The following SCGB2A1 variants were observed in gnomAD, a reference collection of about 807,000 sequenced individuals.
The protein encoded by SCGB2A1 is mammaglobin-B.
In SCGB2A1, 6 loss-of-function variants were observed where a neutral mutation model predicts 9.2. The ratio of observed to expected loss-of-function variants is 0.66; its 90% CI spans 0.36 to 1.29. SCGB2A1 has a LOEUF of 1.29. Among genes scored for constraint, SCGB2A1 ranks in the 50% most tolerant of loss-of-function variants. The pLI is 0.03. For missense variants in SCGB2A1, 138 were observed against 116.9 expected (o/e 1.18, Z -0.83); for synonymous variants, 37 against 41.0 (o/e 0.90, Z 0.37).
intron 1 of SCGB2A1, among the ~76,000 whole-genome samples, chr11:62,209,734 GCA>G (rs1403309861): frequency 2.0e-5 from 3 of 151,454 alleles, no homozygotes; most frequent in Admixed American, 6.6e-5. Context: ...GTGTGCAATG[GCA>G]CAGTCTCAGC....
At chr11:62,213,025 T>TGTGTGCAC (rs1944847140) in intron 2 of SCGB2A1, among the ~76,000 whole-genome samples, 1 of 36,950 alleles carries the variant, frequency 2.7e-5, no homozygotes, top group African/African-American at 6.9e-5. Context: ...CATATATACA[T>TGTGTGCAC]ATATACACAC....
At chr11:62,212,728 GT>G (rs895134944) in intron 2 of SCGB2A1, among the ~76,000 whole-genome samples, 1 of 151,644 alleles carries the variant, frequency 6.6e-6, no homozygotes, top group Non-Finnish European at 1.5e-5. Flanking sequence ...TCTTGTTTCC[GT>G]TTTTTTGTCT....
chr11:62,210,672 C>A, intron 2 of SCGB2A1, 72 bp downstream of exon 2: 3 of 1,151,860 alleles, frequency 2.6e-6, no homozygotes, highest in Non-Finnish European at 3.5e-6. Context: ...AATTTGGCAC[C>A]AAGAATGCCA....
At chr11:62,212,975 T>C (rs1944844148) in intron 2 of SCGB2A1, among the ~76,000 whole-genome samples, 1 of 150,616 alleles carries the variant, frequency 6.6e-6, no homozygotes, top group Non-Finnish European at 1.5e-5. Flanking sequence ...TGTACACATA[T>C]ATGTGCACAT....
rs2134737427 is a variant in SCGB2A1 at position 62,213,747 on chromosome 11, T to C, written c.265T>C (p.Trp89Arg). 6.2e-7 allele frequency: 1 copy of C among 1,614,074 alleles called. No individual in the cohort carries two copies. Among genetic ancestry groups the C allele is most frequent in the Non-Finnish European group, 8.5e-7 (1 of 1,179,972 alleles). ...LMMHTVYDSIWCNMKSN is the reference protein window; with the variant it reads ...LMMHTVYDSIRCNMKSN ...CCAGCATACAGTGTACGACAGCATT[T>C]GGTGTAATATGAAGAGTAATTAACT... Residue 89 changes from tryptophan to arginine, a missense_variant, in exon 3 of 3, where the codon TGG becomes CGG. Physicochemically the swap from Trp to Arg is moderately radical, Grantham distance 101. Coordinates refer to ENST00000244930, the MANE Select transcript of SCGB2A1 (RefSeq NM_002407.3).
rs377376290 is a variant in SCGB2A1 at position 62,210,598 on chromosome 11, A to G, written c.241A>G (p.Met81Val). 2.6e-6 allele frequency: 4 copies of G among 1,536,798 alleles called. No individual in the cohort carries two copies. Among genetic ancestry groups the G allele is most frequent in the Non-Finnish European group, 2.6e-6 (3 of 1,150,888 alleles). ...HRTLKNFGLM[M>V]HTVYDSIWCN... ...AACTCTGAAAAACTTTGGACTGATG[A>G]TGGTAATTTGGGTTTCTTCTTATGT... Residue 81 changes from methionine to valine, a missense_variant and splice_region_variant, in exon 2 of 3, where the codon ATG becomes GTG. Met to Val is a conservative substitution (Grantham distance 21). Coordinates refer to ENST00000244930, the MANE Select transcript of SCGB2A1 (RefSeq NM_002407.3).
chr11:62,210,374 A>G lies in SCGB2A1; in HGVS notation c.56-39A>G, dbSNP rs535319157. ...TGAATCACACCTCTAGTAATGGCCC[A>G]TGTTCTTGTGTCTTTTTTTTTTTTT... is the stretch of plus-strand genomic sequence containing the variant. On this transcript the variant is annotated intron_variant, in intron 1 of 2. Transcript: ENST00000244930. 394 of 1,529,170 alleles carry G rather than the reference A, an allele frequency of 2.6e-4. 2 individuals carry two copies. The East Asian group carries it at 9.1e-3, about 35-fold the overall frequency. The allele number at this position is 1,529,170 out of a possible 1,614,324, so 94.7% of individuals were successfully genotyped here.
Position 62,213,916 on chromosome 11 carries a change from T to C in SCGB2A1, c.*146T>C. The C allele has an allele frequency of 4.9e-6, 3 of 607,612 alleles. No individual in the cohort carries two copies. The highest frequency in any genetic ancestry group is 8.6e-6 in the Non-Finnish European group (3 of 349,124). 37.6% of individuals were successfully genotyped at this position (607,612 alleles called of 1,614,324 possible). ...TTGAAACCTCAAATTCATTTCCATT[T>C]CAATAAACTAACTGCAAATCACTAA... On this transcript the variant is annotated 3_prime_UTR_variant, in exon 3 of 3. Transcript: ENST00000244930.
At chr11:62,213,005 CAT>C (rs1452430985) in intron 2 of SCGB2A1, among the ~76,000 whole-genome samples, 9 of 87,750 alleles carry the variant, frequency 1.0e-4, no homozygotes, top group African/African-American at 3.1e-4. Flanking sequence ...TATATGTACA[CAT>C]ATATGCACAT....
chr11:62,213,106 A>ATATATTTT (rs67975205), intron 2 of SCGB2A1, among the ~76,000 whole-genome samples: 1,894 of 116,214 alleles, frequency 0.016, 187 homozygotes, highest in African/African-American at 0.024. Flanking sequence ...ATATATATAT[A>ATATATTTT]TTTTTTTTTT....
At chr11:62,209,222 T>C (rs1317303314) in intron 1 of SCGB2A1, among the ~76,000 whole-genome samples, 1 of 152,116 alleles carries the variant, frequency 6.6e-6, no homozygotes, top group African/African-American at 2.4e-5. Context: ...TCTCACCCTG[T>C]GTGGCTCACT....
In SCGB2A1 at chr11:62,213,010, A is replaced by ATG. The variant is rs1554985844; in HGVS notation, c.244-715_244-714dup. ...TATACATGCATATATGTACACATAT[A>ATG]TGCACATATATACATATATACACAC... On this transcript the variant is annotated intron_variant, in intron 2 of 2. Coordinates refer to ENST00000244930, the MANE Select transcript of SCGB2A1 (RefSeq NM_002407.3). 4.4e-3 allele frequency among the ~76,000 whole-genome samples: 386 copies of ATG among 86,814 alleles called. 4 individuals carry two copies. The highest frequency in any genetic ancestry group is 0.011 in the African/African-American group (283 of 26,292). The allele number at this position is 86,814 out of a possible 152,430, so 57.0% of individuals were successfully genotyped here.
At position 62,213,728 on chromosome 11, in the gene SCGB2A1, T is replaced by G; in HGVS notation, c.246T>G (p.His82Gln). The G allele has an allele frequency of 6.2e-7, 1 of 1,612,160 alleles. No homozygotes were observed. Among genetic ancestry groups the G allele is most frequent in the African/African-American group, 1.3e-5 (1 of 74,960 alleles). Residue 82 changes from histidine to glutamine, a missense_variant and splice_region_variant, in exon 3 of 3, where the codon CAT becomes CAG. Physicochemically the swap from His to Gln is conservative, Grantham distance 24. Transcript: ENST00000244930. ...RTLKNFGLMM[H>Q]TVYDSIWCNM... is the part of the protein sequence containing the mutation. ...AGTGACCTGCTTTTGTTTTCCAGCATACAGTGTACGACAGCATTTGGTGTA... is the reference window on the plus strand; with the variant it reads ...AGTGACCTGCTTTTGTTTTCCAGCAGACAGTGTACGACAGCATTTGGTGTA...
chr11:62,213,077 T>TAC lies in SCGB2A1; in HGVS notation c.244-645_244-644dup, dbSNP rs1175944151. Among the ~76,000 whole-genome samples, 103 of 42,222 alleles carry TAC rather than the reference T, an allele frequency of 2.4e-3. 2 individuals carry two copies. In the East Asian group the frequency reaches 0.03, roughly 12 times the overall value. The allele number at this position is 42,222 out of a possible 152,430, so 27.7% of individuals were successfully genotyped here. A position where few individuals can be genotyped will look rare whatever the true frequency, so the allele number is the denominator to read the frequency against. ...ACATATATACACATATATACATATA[T>TAC]ACACATATATACACATATATATATA... On this transcript the variant is annotated intron_variant, in intron 2 of 2. Transcript: ENST00000244930.
chr11:62,209,850 T>C (rs1039294901), intron 1 of SCGB2A1, among the ~76,000 whole-genome samples: 1 of 152,110 alleles, frequency 6.6e-6, no homozygotes, highest in Admixed American at 6.6e-5. Context: ...AATTTTTAAA[T>C]TTTTTGTAGA....
At chr11:62,213,098 A>T (rs1944850691) in intron 2 of SCGB2A1, among the ~76,000 whole-genome samples, 1 of 38,968 alleles carries the variant, frequency 2.6e-5, no homozygotes, top group African/African-American at 5.9e-5. Flanking sequence ...ACACATATAT[A>T]TATATATATT....
At chr11:62,209,390 G>A (rs1268771496) in intron 1 of SCGB2A1, among the ~76,000 whole-genome samples, 8 of 152,188 alleles carry the variant, frequency 5.3e-5, no homozygotes, top group Non-Finnish European at 1.2e-4. Flanking sequence ...TGGAATCAGC[G>A]CTAATATTTC....
At position 62,210,577 on chromosome 11, in the gene SCGB2A1, C is replaced by T. The variant is rs745591335; in HGVS notation, c.220C>T (p.Leu74=). ...TTTCCTCAACCAGTCACATAGAACT[C>T]TGAAAAACTTTGGACTGATGATGGT... ...QCFLNQSHRT[L]KNFGLMMHTV... Residue 74 remains leucine, a synonymous_variant, in exon 2 of 3, where the codon CTG becomes TTG. Coordinates refer to ENST00000244930, the MANE Select transcript of SCGB2A1 (RefSeq NM_002407.3). 2.1e-5 allele frequency: 33 copies of T among 1,556,376 alleles called. No homozygotes were observed. The East Asian group carries it at 7.4e-4, about 35-fold the overall frequency.
At chr11:62,213,552 G>A (rs144822770) in intron 2 of SCGB2A1, 174 bp from the exon 3 acceptor site, 7 of 584,276 alleles carry the variant, frequency 1.2e-5, no homozygotes, top group Admixed American at 3.3e-5. Flanking sequence ...GCATTATGAA[G>A]TGTCTCCTAG....
Sources: gnomAD v4.1 joint callset for allele counts (sites outside exome capture counted in the v4.1 genomes callset) on GRCh38, gnomAD v4.1.1 for gene constraint, MANE v1.5 for transcripts, NCBI Gene and HGNC (gene_info 2026-07-23, HGNC 2026-07-21) for gene names.